LRFN2: variants seen among roughly 807,000 people sequenced by gnomAD.
The protein encoded by LRFN2 is leucine rich repeat and fibronectin type III domain containing 2.
Under a neutral mutation model 37.3 loss-of-function variants are expected in LRFN2, and 18 were observed. The observed-to-expected ratio is 0.48, with a 90% CI of 0.33 to 0.72. The LOEUF (loss-of-function observed/expected upper bound fraction) is 0.72, where lower values mean the gene tolerates loss of function less well. LRFN2 is among the 30% of genes least tolerant of loss of function. The probability of loss-of-function intolerance (pLI) is 0.02; values close to 1 mark genes in which losing one functional copy is unlikely to be tolerated. For missense variants in LRFN2, 1,006 were observed against 1,060.7 expected (o/e 0.95, Z 0.72); for synonymous variants, 556 against 466.6 (o/e 1.19, Z -2.47).
chr6:40,569,182 C>T (rs1382311790), intron 1 of LRFN2, among the ~76,000 whole-genome samples: 2 of 152,184 alleles, frequency 1.3e-5, no homozygotes, highest in African/African-American at 4.8e-5. Flanking sequence ...CATGAGTCCC[C>T]ACCTATAATC....
At chr6:40,509,671 T>G (rs1581762260) in intron 1 of LRFN2, among the ~76,000 whole-genome samples, 1 of 129,062 alleles carries the variant, frequency 7.7e-6, no homozygotes, top group East Asian at 2.4e-4. Context: ...GCGCAGGCAG[T>G]GGGGGTGGGT....
At chr6:40,476,029 G>A (rs776637834) in intron 1 of LRFN2, among the ~76,000 whole-genome samples, 22 of 152,158 alleles carry the variant, frequency 1.4e-4, no homozygotes, top group Non-Finnish European at 2.6e-4. Context: ...GTATAAGGAT[G>A]AATGTAGTCC....
chr6:40,487,213 A>G (rs956368560), intron 1 of LRFN2, among the ~76,000 whole-genome samples: 1 of 152,144 alleles, frequency 6.6e-6, no homozygotes, highest in Non-Finnish European at 1.5e-5. Flanking sequence ...TTTCAGCAAA[A>G]GTTGAATTGC....
Position 40,432,132 on chromosome 6 carries a change from G to T in LRFN2, c.982C>A (p.Arg328Ser), listed in dbSNP as rs376425369. 7 of 1,613,800 alleles carry T rather than the reference G, an allele frequency of 4.3e-6. No homozygotes were observed. The highest frequency in any genetic ancestry group is 5.1e-6 in the Non-Finnish European group (6 of 1,179,956). ...GTCCTTGAGGAGTTCCCTACCAGGCGGTCATCGGGGGCTACCCAGTGGATA... is the reference window on the plus strand; with the variant it reads ...GTCCTTGAGGAGTTCCCTACCAGGCTGTCATCGGGGGCTACCCAGTGGATA... ...PLIHWVAPDD[R>S]LVGNSSRTAV... Residue 328 changes from arginine (R) to serine (S), a missense_variant, in exon 2 of 3, where the codon CGC (arginine) becomes AGC (serine). By Grantham distance (110) the Arg-to-Ser change is moderately radical. Coordinates refer to ENST00000338305, the MANE Select transcript of LRFN2 (RefSeq NM_020737.3).
At chr6:40,408,434 C>A (rs2113803006) in intron 2 of LRFN2, among the ~76,000 whole-genome samples, 1 of 152,202 alleles carries the variant, frequency 6.6e-6, no homozygotes, top group South Asian at 2.1e-4. Flanking sequence ...AAGGAGACAG[C>A]ATTTGGGGAG....
chr6:40,530,445 G>A (rs894231887), intron 1 of LRFN2, among the ~76,000 whole-genome samples: 4 of 152,120 alleles, frequency 2.6e-5, no homozygotes, highest in African/African-American at 9.7e-5. Flanking sequence ...ATGGAAGAAA[G>A]CCATAACAGC....
At chr6:40,469,665 C>T (rs1764549933) in intron 1 of LRFN2, among the ~76,000 whole-genome samples, 2 of 152,148 alleles carry the variant, frequency 1.3e-5, no homozygotes, top group Admixed American at 1.3e-4. Flanking sequence ...GACAGAGAAC[C>T]AGGTCAGGGC....
intron 1 of LRFN2, among the ~76,000 whole-genome samples, chr6:40,495,208 T>C (rs1369862608): frequency 6.6e-6 from 1 of 152,214 alleles, no homozygotes; most frequent in Non-Finnish European, 1.5e-5. Context: ...ACAACAGCTT[T>C]GATACACACT....
At chr6:40,526,758 C>T (rs1164139549) in intron 1 of LRFN2, among the ~76,000 whole-genome samples, 1 of 152,208 alleles carries the variant, frequency 6.6e-6, no homozygotes, top group Non-Finnish European at 1.5e-5. Context: ...TGCACACCCA[C>T]CACCTCATTA....
intron 1 of LRFN2, among the ~76,000 whole-genome samples, chr6:40,553,719 TA>T (rs1170677676): frequency 6.6e-6 from 1 of 152,228 alleles, no homozygotes; most frequent in African/African-American, 2.4e-5. Flanking sequence ...TTAATTACAT[TA>T]TAAAGATGAA....
intron 1 of LRFN2, among the ~76,000 whole-genome samples, chr6:40,520,683 A>AG (rs763265055): frequency 6.8e-6 from 1 of 146,996 alleles, no homozygotes; most frequent in Non-Finnish European, 1.5e-5. Flanking sequence ...CAGCAAGGAG[A>AG]GGGGCCTCTG....
Position 40,432,299 on chromosome 6 carries a change from T to C in LRFN2, c.815A>G (p.Lys272Arg), listed in dbSNP as rs1460284011. 3 of 1,614,056 alleles carry C rather than the reference T, an allele frequency of 1.9e-6. No homozygotes were observed. The South Asian group carries it at 3.3e-5, about 18-fold the overall frequency. ...ACGCACATGCCAGAAGTAGCGACCC[T>C]TGAGGCCCCCTGGGGAGCCACAGGT... ...LETCGSPGGL[K>R]GRYFWHVREE... The change falls in exon 2 of 3, where the codon AAG becomes AGG. Residue 272 changes from lysine (K) to arginine (R), a missense_variant. Lys to Arg is a conservative substitution (Grantham distance 26). Transcript: ENST00000338305.
At chr6:40,508,143 C>G (rs76199144) in intron 1 of LRFN2, among the ~76,000 whole-genome samples, 1 of 152,208 alleles carries the variant, frequency 6.6e-6, no homozygotes, top group Non-Finnish European at 1.5e-5. Flanking sequence ...GCCCTCACCT[C>G]CACCTAAACT....
At chr6:40,412,968 G>A (rs953023984) in intron 2 of LRFN2, among the ~76,000 whole-genome samples, 1 of 152,162 alleles carries the variant, frequency 6.6e-6, no homozygotes, top group East Asian at 1.9e-4. Context: ...TTGAGGTGAG[G>A]GAGATCTTAC....
intron 1 of LRFN2, among the ~76,000 whole-genome samples, chr6:40,541,605 A>T (rs1766555969): frequency 6.6e-6 from 1 of 152,166 alleles, no homozygotes; most frequent in Non-Finnish European, 1.5e-5. Flanking sequence ...TCCTCTGCCC[A>T]CCCAGAGAAT....
chr6:40,481,674 A>G (rs1764835915), intron 1 of LRFN2, among the ~76,000 whole-genome samples: 1 of 152,136 alleles, frequency 6.6e-6, no homozygotes. Flanking sequence ...AGGCAGACCT[A>G]AGGATAGGGC....
intron 1 of LRFN2, among the ~76,000 whole-genome samples, chr6:40,580,352 C>A (rs1581804976): frequency 6.6e-6 from 1 of 152,136 alleles, no homozygotes. Context: ...ATGCACATGT[C>A]CTGGCTGAGA....
In LRFN2 at chr6:40,433,022, G is replaced by C; in HGVS notation, c.92C>G (p.Ser31Cys). The change falls in exon 2 of 3, where the codon TCT becomes TGT. Residue 31 changes from serine to cysteine, a missense_variant. Ser to Cys is a moderately radical substitution (Grantham distance 112, BLOSUM62 -1). Coordinates refer to ENST00000338305, the MANE Select transcript of LRFN2 (RefSeq NM_020737.3). ...CPKYCVCQNL[S>C]ESLGTLCPSK... ...GGGGCACAGGGTCCCCAGTGACTCA[G>C]ACAGATTCTGGCAGACACAGTACTT... The C allele has an allele frequency of 6.2e-7, 1 of 1,601,706 alleles. No homozygotes were observed. Among genetic ancestry groups the C allele is most frequent in the South Asian group, 1.1e-5 (1 of 89,154 alleles).
At chr6:40,540,823 G>A (rs1335405054) in intron 1 of LRFN2, among the ~76,000 whole-genome samples, 2 of 152,158 alleles carry the variant, frequency 1.3e-5, no homozygotes, top group East Asian at 1.9e-4. Context: ...GTCTGCAGAC[G>A]CCCAGGGAGG....
Sources: allele counts gnomAD v4.1 joint callset (sites outside exome capture counted in the v4.1 genomes callset), GRCh38; gene constraint gnomAD v4.1.1; transcripts MANE v1.5; gene names NCBI Gene and HGNC (gene_info 2026-07-23, HGNC 2026-07-21).